The following CFLAR variants were observed in gnomAD, a reference collection of about 807,000 sequenced individuals.
CFLAR encodes CASP8 and FADD like apoptosis regulator.
CFLAR carries 14 observed loss-of-function variants against 51.1 expected under a neutral mutation model. That is an observed-to-expected ratio of 0.27 (90% CI 0.18 to 0.43). CFLAR has a LOEUF of 0.43. Ranked by LOEUF, CFLAR falls within the 20% of genes least tolerant of loss-of-function variation. CFLAR has a pLI of 1.00. For missense variants in CFLAR, 390 were observed against 566.5 expected (o/e 0.69, Z 3.16); for synonymous variants, 210 against 211.6 (o/e 0.99, Z 0.06).
At chr2:201,149,662 G>A in intron 7 of CFLAR, 92 bp from the exon 8 acceptor site, 9 of 954,146 alleles carry the variant, frequency 9.4e-6, no homozygotes, top group Non-Finnish European at 1.5e-5. Flanking sequence ...ACCTGCCAAA[G>A]GAAATCCAAA....
intron 8 of CFLAR, among the ~76,000 whole-genome samples, chr2:201,157,288 G>A (rs935354202): frequency 1.2e-4 from 19 of 152,168 alleles, no homozygotes; most frequent in African/African-American, 4.1e-4. Flanking sequence ...CCACAGATGC[G>A]TGCCACCATG....
At position 201,140,443 on chromosome 2, in the gene CFLAR, A is replaced by G; in HGVS notation, c.606+4A>G. 1 of 1,585,800 alleles carries G rather than the reference A, an allele frequency of 6.3e-7. No homozygotes were observed. The highest frequency in any genetic ancestry group is 8.5e-7 in the Non-Finnish European group (1 of 1,170,336). On this transcript the variant is annotated splice_donor_region_variant and intron_variant, in intron 5 of 9. Transcript: ENST00000309955. ...GGATCCTTCAAATAACTTCAGGGTG[A>G]GTCTGGAGAAAACATATGGAATCCC...
rs544105115 is a variant in CFLAR at position 201,126,106 on chromosome 2, G to A, written c.-137-3623G>A. Among the ~76,000 whole-genome samples the A allele has an allele frequency of 5.3e-5, 8 of 152,254 alleles. 1 individual carries two copies. The South Asian group carries it at 1.0e-3, about 20-fold the overall frequency. ...GAATTAAGAGTCCGTTTATTTAGCC[G>A]GCGGCCAAGAGACAGCTAACGCTCA... is the stretch of plus-strand genomic sequence containing the variant. On this transcript the variant is annotated intron_variant, in intron 1 of 9. Transcript: ENST00000309955.
intron 9 of CFLAR, among the ~76,000 whole-genome samples, chr2:201,161,615 A>G (rs1238271551): frequency 6.6e-6 from 1 of 151,372 alleles, no homozygotes; most frequent in East Asian, 1.9e-4. Flanking sequence ...GGGTTTCACC[A>G]TGTTGACCAG....
chr2:201,131,956 T>C (rs2049376557), intron 2 of CFLAR, among the ~76,000 whole-genome samples: 1 of 110,862 alleles, frequency 9.0e-6, no homozygotes, highest in African/African-American at 3.8e-5. Flanking sequence ...GTGAAGTACT[T>C]TTTAAACTGT....
At chr2:201,145,461 AT>A in intron 6 of CFLAR, 29 bp downstream of exon 6, 2 of 1,406,196 alleles carry the variant, frequency 1.4e-6, no homozygotes, top group Non-Finnish European at 2.0e-6. Context: ...AATATTCATT[AT>A]TTATAAATGC....
intron 1 of CFLAR, among the ~76,000 whole-genome samples, chr2:201,123,117 A>G (rs74943076): frequency 9.1e-4 from 139 of 152,284 alleles, no homozygotes; most frequent in Non-Finnish European, 1.7e-3. Flanking sequence ...GACTTTGCCC[A>G]TGTTTCTATA....
At chr2:201,157,129 C>T (rs1205529685) in intron 8 of CFLAR, among the ~76,000 whole-genome samples, 4 of 152,140 alleles carry the variant, frequency 2.6e-5, no homozygotes, top group African/African-American at 9.7e-5. Flanking sequence ...AGCATCTTTA[C>T]AGAAATCTCA....
At chr2:201,148,804 C>T (rs1419689788) in intron 6 of CFLAR, 199 bp from the exon 7 acceptor site, 5 of 518,302 alleles carry the variant, frequency 9.6e-6, no homozygotes, top group South Asian at 8.9e-5. Context: ...CCCCTGATAG[C>T]ACTGGGACTT....
chr2:201,155,697 C>A (rs1278701298), intron 8 of CFLAR, among the ~76,000 whole-genome samples: 1 of 152,002 alleles, frequency 6.6e-6, no homozygotes, highest in African/African-American at 2.4e-5. Context: ...AATCATGGCT[C>A]ACTGCAGCCT....
intron 8 of CFLAR, 80 bp from the exon 9 acceptor site, chr2:201,160,352 T>C: frequency 7.1e-7 from 1 of 1,411,462 alleles, no homozygotes. Context: ...GATTAGACCA[T>C]GTCTAGGATT....
At chr2:201,117,138 G>T (rs554331708) in intron 1 of CFLAR, 2 of 152,198 alleles carry the variant, frequency 1.3e-5, no homozygotes, top group Non-Finnish European at 2.9e-5. Context: ...TTTCACAATA[G>T]CCTGGTCAGG....
intron 9 of CFLAR, among the ~76,000 whole-genome samples, chr2:201,161,748 T>C (rs866101028): frequency 0.023 from 3,244 of 140,530 alleles, 145 homozygotes; most frequent in African/African-American, 0.082. Context: ...CTTTTTTTTT[T>C]TTTTTTTTTT....
chr2:201,157,523 T>C (rs1213925899), intron 8 of CFLAR, among the ~76,000 whole-genome samples: 4 of 152,088 alleles, frequency 2.6e-5, no homozygotes, highest in Admixed American at 6.5e-5. Flanking sequence ...ACTACAGGCT[T>C]GTACTACCAT....
At position 201,170,304 on chromosome 2, in the gene CFLAR, A is replaced by G. The variant is rs1943934508; in HGVS notation, c.*6331A>G. 1 of 152,182 alleles carries G rather than the reference A, an allele frequency of 6.6e-6. No homozygotes were observed. The highest frequency in any genetic ancestry group is 2.4e-5 in the African/African-American group (1 of 41,448). The allele number at this position is 152,182 out of a possible 1,614,324, so 9.4% of individuals were successfully genotyped here. ...AGCTTTTGGTGATACAGTGAATCAG[A>G]TTTTTCATTAATTCTTTTAATTGGT... is the stretch of plus-strand genomic sequence containing the variant. On this transcript the variant is annotated 3_prime_UTR_variant, in exon 10 of 10. Coordinates refer to ENST00000309955, the MANE Select transcript of CFLAR (RefSeq NM_003879.7).
intron 5 of CFLAR, among the ~76,000 whole-genome samples, chr2:201,141,077 C>G (rs1174517404): frequency 2.0e-5 from 3 of 151,948 alleles, no homozygotes; most frequent in Non-Finnish European, 4.4e-5. Flanking sequence ...CTAAAAAATA[C>G]AAAAATTAGC....
At chr2:201,133,200 T>C in intron 3 of CFLAR, 66 bp downstream of exon 3, 2 of 1,208,070 alleles carry the variant, frequency 1.7e-6, no homozygotes, top group Non-Finnish European at 2.4e-6. Flanking sequence ...CTCTTGTTGA[T>C]ACAGAGAGAG....
chr2:201,121,514 G>A (rs114585851), intron 1 of CFLAR, among the ~76,000 whole-genome samples: 5 of 152,204 alleles, frequency 3.3e-5, no homozygotes, highest in Non-Finnish European at 5.9e-5. Flanking sequence ...AAGCAAGTGG[G>A]GAATTTTTAT....
chr2:201,156,139 G>A (rs72931055), intron 8 of CFLAR, among the ~76,000 whole-genome samples: 4,151 of 152,304 alleles, frequency 0.027, 93 homozygotes, highest in Middle Eastern at 0.075. Flanking sequence ...TATTTGATAT[G>A]TATTCTCTTG....
Sources: allele counts gnomAD v4.1 joint callset (sites outside exome capture counted in the v4.1 genomes callset), GRCh38; gene constraint gnomAD v4.1.1; transcripts MANE v1.5; gene names NCBI Gene and HGNC (gene_info 2026-07-23, HGNC 2026-07-21).